Variants in CACNA2D3 observed in about 807,000 individuals in gnomAD.
CACNA2D3 encodes calcium voltage-gated channel auxiliary subunit alpha2delta 3.
A neutral mutation model predicts 160.6 loss-of-function variants in CACNA2D3; 60 were observed. The ratio of observed to expected loss-of-function variants is 0.37; its 90% CI spans 0.30 to 0.46. The LOEUF (loss-of-function observed/expected upper bound fraction) is 0.46. CACNA2D3 is among the 20% of genes least tolerant of loss of function. The pLI, the probability that CACNA2D3 is intolerant of heterozygous loss-of-function variation, is 1.00. For synonymous variants in CACNA2D3, 558 were observed against 492.9 expected (o/e 1.13, Z -1.75); for missense variants, 1,205 against 1,365.0 (o/e 0.88, Z 1.85).
At chr3:54,418,047 C>T (rs1290603340) in intron 4 of CACNA2D3, among the ~76,000 whole-genome samples, 2 of 152,120 alleles carry the variant, frequency 1.3e-5, no homozygotes, top group Non-Finnish European at 2.9e-5. Flanking sequence ...CTTGGCCTCC[C>T]GAAGTTCCGA....
At chr3:54,471,775 C>T (rs762791213) in intron 4 of CACNA2D3, among the ~76,000 whole-genome samples, 4 of 152,164 alleles carry the variant, frequency 2.6e-5, no homozygotes, top group Non-Finnish European at 5.9e-5. Flanking sequence ...ATAAACACCT[C>T]TACACAAATA....
chr3:54,710,778 G>A (rs838029), intron 11 of CACNA2D3, among the ~76,000 whole-genome samples: 152,351 of 152,360 alleles, frequency 1, 76,171 homozygotes, highest in Non-Finnish European at 1. Flanking sequence ...ATTGAGTGTA[G>A]TGGGAATACA....
chr3:54,694,365 G>A (rs1700623702), intron 11 of CACNA2D3, among the ~76,000 whole-genome samples: 1 of 152,176 alleles, frequency 6.6e-6, no homozygotes, highest in Admixed American at 6.5e-5. Context: ...ACTCTATGGT[G>A]TTCACACAAC....
chr3:54,279,744 A>G (rs1022605035), intron 2 of CACNA2D3, among the ~76,000 whole-genome samples: 9 of 152,212 alleles, frequency 5.9e-5, no homozygotes, highest in South Asian at 4.1e-4. Context: ...TCTTGTGCAC[A>G]GAGCTGTCTC....
intron 11 of CACNA2D3, among the ~76,000 whole-genome samples, chr3:54,689,747 A>T (rs1020471640): frequency 6.6e-6 from 1 of 151,542 alleles, no homozygotes; most frequent in African/African-American, 2.4e-5. Context: ...CACCCTACCC[A>T]CTGGTCTGGT....
At chr3:54,262,016 T>C (rs1316056297) in intron 2 of CACNA2D3, among the ~76,000 whole-genome samples, 1 of 151,928 alleles carries the variant, frequency 6.6e-6, no homozygotes, top group Non-Finnish European at 1.5e-5. Context: ...GTGAATGCAG[T>C]TGGGGATAGG....
At chr3:54,859,107 G>A (rs147219850) in intron 17 of CACNA2D3, among the ~76,000 whole-genome samples, 2 of 152,218 alleles carry the variant, frequency 1.3e-5, no homozygotes, top group African/African-American at 2.4e-5. Context: ...CCAACCTCGC[G>A]GGGTTAAATC....
At chr3:54,553,059 G>A (rs999712478) in intron 5 of CACNA2D3, among the ~76,000 whole-genome samples, 1 of 152,152 alleles carries the variant, frequency 6.6e-6, no homozygotes, top group South Asian at 2.1e-4. Context: ...TCAACATTGG[G>A]CCATGAATCC....
At chr3:54,718,933 T>C (rs770097218) in intron 11 of CACNA2D3, among the ~76,000 whole-genome samples, 7 of 151,962 alleles carry the variant, frequency 4.6e-5, no homozygotes, top group Non-Finnish European at 8.8e-5. Flanking sequence ...TTATATAATA[T>C]AGAGTTTTTT....
chr3:54,397,580 T>G (rs1374764531), intron 4 of CACNA2D3, among the ~76,000 whole-genome samples: 2 of 140,052 alleles, frequency 1.4e-5, no homozygotes, highest in African/African-American at 5.4e-5. Context: ...ATGTACCCAG[T>G]AGTCATTCAG....
chr3:54,373,614 T>A (rs1471696776), intron 3 of CACNA2D3, among the ~76,000 whole-genome samples: 1 of 152,176 alleles, frequency 6.6e-6, no homozygotes, highest in Admixed American at 6.5e-5. Flanking sequence ...TTTAAACAAC[T>A]TCTCCTTCCA....
At chr3:54,616,904 G>A (rs751720339) in intron 9 of CACNA2D3, among the ~76,000 whole-genome samples, 6 of 152,120 alleles carry the variant, frequency 3.9e-5, no homozygotes, top group Non-Finnish European at 8.8e-5. Flanking sequence ...CAAGGCTGGT[G>A]TGTAGAGGGC....
intron 11 of CACNA2D3, among the ~76,000 whole-genome samples, chr3:54,663,762 C>G (rs1041951347): frequency 6.6e-6 from 1 of 152,176 alleles, no homozygotes; most frequent in African/African-American, 2.4e-5. Flanking sequence ...CATGTGCACA[C>G]CAGTCCTGGA....
At chr3:54,622,182 G>T (rs931789348) in intron 9 of CACNA2D3, among the ~76,000 whole-genome samples, 1 of 152,204 alleles carries the variant, frequency 6.6e-6, no homozygotes, top group African/African-American at 2.4e-5. Context: ...CAAAATTGAA[G>T]CCAGAGAACT....
chr3:54,894,086 A>C (rs1347764230), intron 25 of CACNA2D3, among the ~76,000 whole-genome samples: 1 of 152,120 alleles, frequency 6.6e-6, no homozygotes, highest in Non-Finnish European at 1.5e-5. Flanking sequence ...CGGAGACTCA[A>C]TTACTCACTC....
intron 2 of CACNA2D3, among the ~76,000 whole-genome samples, chr3:54,141,609 A>G (rs1435365312): frequency 2.0e-5 from 3 of 152,210 alleles, no homozygotes; most frequent in Non-Finnish European, 4.4e-5. Flanking sequence ...TGAATAGTGC[A>G]GTATAAATTT....
intron 35 of CACNA2D3, among the ~76,000 whole-genome samples, chr3:55,057,579 A>G (rs1358262014): frequency 1.3e-5 from 2 of 152,198 alleles, no homozygotes; most frequent in African/African-American, 4.8e-5. Flanking sequence ...ATATTTTAGT[A>G]TTATATTGGG....
chr3:54,655,676 A>G (rs570102943), intron 11 of CACNA2D3, among the ~76,000 whole-genome samples: 2 of 152,330 alleles, frequency 1.3e-5, no homozygotes, highest in Admixed American at 1.3e-4. Flanking sequence ...CCTGGTATCT[A>G]TCAAAATATA....
At chr3:54,771,341 T>C (rs1159819883) in intron 13 of CACNA2D3, among the ~76,000 whole-genome samples, 3 of 152,182 alleles carry the variant, frequency 2.0e-5, no homozygotes, top group East Asian at 1.9e-4. Flanking sequence ...GTGTATCATC[T>C]CCAGGTTGCC....
Sources: gnomAD v4.1 joint callset for allele counts (sites outside exome capture counted in the v4.1 genomes callset) on GRCh38, gnomAD v4.1.1 for gene constraint, MANE v1.5 for transcripts, NCBI Gene and HGNC (gene_info 2026-07-23, HGNC 2026-07-21) for gene names.